The following ZCCHC14 variants were observed in gnomAD, a reference collection of about 807,000 sequenced individuals.
ZCCHC14 encodes the protein zinc finger CCHC domain-containing protein 14.
Under a neutral mutation model 85.0 loss-of-function variants are expected in ZCCHC14, and 16 were observed. The ratio of observed to expected loss-of-function variants is 0.19; its 90% confidence interval spans 0.13 to 0.29. The LOEUF (loss-of-function observed/expected upper bound fraction) is 0.29. ZCCHC14 is among the 10% of genes least tolerant of loss of function. The pLI, the probability that ZCCHC14 is intolerant of heterozygous loss-of-function variation, is 1.00. For missense variants in ZCCHC14, 1,303 were observed against 1,443.5 expected (o/e 0.90, Z 1.58); for synonymous variants, 775 against 630.7 (o/e 1.23, Z -3.43).
chr16:87,437,218 C>G (rs1217111273), intron 2 of ZCCHC14, among the ~76,000 whole-genome samples: 3 of 151,320 alleles, frequency 2.0e-5, no homozygotes, highest in Non-Finnish European at 2.9e-5. Flanking sequence ...TGCCTGTAAT[C>G]ACAGTTACTT....
Position 87,426,256 on chromosome 16 carries a change from C to T in ZCCHC14, c.769-2375G>A, listed in dbSNP as rs962409445. Among the ~76,000 whole-genome samples, 8 of 152,282 alleles carry T rather than the reference C, an allele frequency of 5.3e-5. No individual in the cohort carries two copies. In the South Asian group the frequency reaches 8.3e-4, roughly 16 times the overall value. On this transcript the variant is annotated intron_variant, in intron 3 of 12. Coordinates refer to ENST00000671377, the MANE Select transcript of ZCCHC14 (RefSeq NM_015144.3). ...ACCGGCCGTTAGAGGGGCATGGGGG[C>T]GGGAAGAGCATCCTCTTGTCATACC... is the stretch of plus-strand genomic sequence containing the variant.
chr16:87,438,404 T>C (rs1390117731), intron 2 of ZCCHC14, among the ~76,000 whole-genome samples: 3 of 152,232 alleles, frequency 2.0e-5, no homozygotes, highest in African/African-American at 7.2e-5. Context: ...AAAAGCAGCA[T>C]GTTAGTTTTG....
intron 2 of ZCCHC14, among the ~76,000 whole-genome samples, chr16:87,457,763 G>C (rs1259104938): frequency 6.6e-6 from 1 of 152,052 alleles, no homozygotes; most frequent in Non-Finnish European, 1.5e-5. Flanking sequence ...CTTTCTGAAG[G>C]GCAATAACCT....
chr16:87,487,913 T>C (rs1027829614), intron 1 of ZCCHC14, among the ~76,000 whole-genome samples: 10 of 148,584 alleles, frequency 6.7e-5, no homozygotes, highest in Non-Finnish European at 1.3e-4. Context: ...GGTCCCCTTA[T>C]ATGCAACGTC....
intron 1 of ZCCHC14, among the ~76,000 whole-genome samples, chr16:87,460,506 A>G (rs770833508): frequency 8.5e-5 from 13 of 152,158 alleles, no homozygotes; most frequent in Non-Finnish European, 1.5e-4. Context: ...CCTGGCCAAC[A>G]TGGTGAAACC....
chr16:87,415,232 G>C, intron 9 of ZCCHC14, 44 bp downstream of exon 9: 1 of 1,584,950 alleles, frequency 6.3e-7, no homozygotes, highest in Non-Finnish European at 8.7e-7. Flanking sequence ...CGGCACACGA[G>C]AAATGGAAAT....
At chr16:87,452,554 G>A (rs1910756893) in intron 2 of ZCCHC14, among the ~76,000 whole-genome samples, 1 of 152,222 alleles carries the variant, frequency 6.6e-6, no homozygotes, top group East Asian at 1.9e-4. Context: ...CACAAGAAGA[G>A]GGAATTTCAA....
chr16:87,414,358 C>T, intron 10 of ZCCHC14, 56 bp downstream of exon 10: 1 of 1,611,706 alleles, frequency 6.2e-7, no homozygotes, highest in Non-Finnish European at 8.5e-7. Context: ...ATCTGCCCGA[C>T]ACACGGGCCC....
chr16:87,448,396 C>T (rs1184965164), intron 2 of ZCCHC14, among the ~76,000 whole-genome samples: 5 of 152,246 alleles, frequency 3.3e-5, no homozygotes, highest in African/African-American at 9.6e-5. Context: ...AACAACAATG[C>T]GTCTCGACAT....
At chr16:87,467,608 A>G (rs755119875) in intron 1 of ZCCHC14, 13 of 1,254,992 alleles carry the variant, frequency 1.0e-5, no homozygotes, top group Admixed American at 5.0e-5. Context: ...GGATCTGGAG[A>G]TGACAACTTG....
chr16:87,441,844 C>G (rs1910200843), intron 2 of ZCCHC14, among the ~76,000 whole-genome samples: 1 of 152,220 alleles, frequency 6.6e-6, no homozygotes, highest in African/African-American at 2.4e-5. Context: ...TGTTGGGGGA[C>G]TCTGGTTCCA....
At chr16:87,483,580 C>T (rs997190124) in intron 1 of ZCCHC14, among the ~76,000 whole-genome samples, 23 of 152,150 alleles carry the variant, frequency 1.5e-4, no homozygotes, top group African/African-American at 4.6e-4. Flanking sequence ...TCAATGAAAT[C>T]GTTTACTTGA....
At position 87,412,388 on chromosome 16, in the gene ZCCHC14, A is replaced by G. The variant is rs1481310838; in HGVS notation, c.2333T>C (p.Leu778Pro). 4 of 1,614,098 alleles carry G rather than the reference A, an allele frequency of 2.5e-6. No homozygotes were observed. The highest frequency in any genetic ancestry group is 3.4e-6 in the Non-Finnish European group (4 of 1,180,052). Residue 778 changes from leucine (L) to proline (P), a missense_variant, in exon 12 of 13, where the codon CTG becomes CCG. Leu to Pro is a moderately conservative substitution (Grantham distance 98). This residue lies in a region of ZCCHC14 where 797 missense variants were observed against 730.8 expected (regional missense o/e 1.09). Coordinates refer to ENST00000671377, the MANE Select transcript of ZCCHC14 (RefSeq NM_015144.3). ...AGAATCAGCAGGAACAGATGACGAC[A>G]GCAGCAGTTTGATGGGCGGACGGGC... ...HAARPPIKLL[L>P]SSSVPADSAI...
intron 6 of ZCCHC14, 125 bp from the exon 7 acceptor site, chr16:87,419,026 G>A (rs745695366): frequency 6.9e-5 from 58 of 843,286 alleles, no homozygotes; most frequent in Middle Eastern, 3.7e-4. Flanking sequence ...GTGCGATCTC[G>A]GCTCACTGCA....
rs564543519 is a variant in ZCCHC14, at chr16:87,435,671, G to A, written c.695-2470C>T. Among the ~76,000 whole-genome samples, 16 of 152,386 alleles carry A rather than the reference G, an allele frequency of 1.0e-4. No individual in the cohort carries two copies. In the South Asian group the frequency reaches 2.1e-3, roughly 20 times the overall value. On this transcript the variant is annotated intron_variant, in intron 2 of 12. Transcript: ENST00000671377. ...GGTCGTGGAGCACGAGGCAGCGGGC[G>A]CTGCGCTCCCAGCGGCACCACCTGC... is the stretch of plus-strand genomic sequence containing the variant.
At chr16:87,414,260 T>C (rs1908653700) in intron 10 of ZCCHC14, among the ~76,000 whole-genome samples, 154 bp downstream of exon 10, 1 of 150,980 alleles carries the variant, frequency 6.6e-6, no homozygotes, top group Non-Finnish European at 1.5e-5. Context: ...TGTGTACGAG[T>C]AACCCACCTG....
intron 1 of ZCCHC14, among the ~76,000 whole-genome samples, chr16:87,460,490 G>C (rs1567533984): frequency 6.6e-6 from 1 of 152,172 alleles, no homozygotes; most frequent in African/African-American, 2.4e-5. Context: ...AGGAGTTCAA[G>C]ACCAGCCTGG....
Position 87,467,559 on chromosome 16 carries a change from C to T in ZCCHC14, c.571-7428G>A. 1.9e-6 allele frequency: 3 copies of T among 1,568,834 alleles called. No individual in the cohort carries two copies. The South Asian group carries it at 3.3e-5, about 17-fold the overall frequency. Reference sequence around the variant, plus strand: ...GAAGCCTATTTTTAATGTCATCCCACCAATTCCCGTTGGTTCTGAAAATTG... The same window carrying T: ...GAAGCCTATTTTTAATGTCATCCCATCAATTCCCGTTGGTTCTGAAAATTG... On this transcript the variant is annotated intron_variant, in intron 1 of 12. Transcript: ENST00000671377.
At chr16:87,432,364 T>C (rs1909705753) in intron 3 of ZCCHC14, among the ~76,000 whole-genome samples, 1 of 152,128 alleles carries the variant, frequency 6.6e-6, no homozygotes, top group African/African-American at 2.4e-5. Context: ...AAGTGAAGTG[T>C]CTAGAGGCTG....
Sources: allele counts gnomAD v4.1 joint callset (sites outside exome capture counted in the v4.1 genomes callset), GRCh38; gene constraint gnomAD v4.1.1; regional missense constraint gnomAD v4.1.1; transcripts MANE v1.5; gene names NCBI Gene and HGNC (gene_info 2026-07-23, HGNC 2026-07-21).